Variants in AGPAT3 observed in about 807,000 individuals in gnomAD.
AGPAT3 encodes the protein 1-acyl-sn-glycerol-3-phosphate acyltransferase gamma.
In AGPAT3, 5 loss-of-function variants were observed where a neutral mutation model predicts 47.3. That is an observed-to-expected ratio of 0.11 (90% CI 0.06 to 0.22). The LOEUF is 0.22. AGPAT3 is among the 10% of genes least tolerant of loss of function. The pLI, the probability that AGPAT3 is intolerant of heterozygous loss-of-function variation, is 1.00. For missense variants in AGPAT3, 315 were observed against 493.0 expected (o/e 0.64, Z 3.42); for synonymous variants, 212 against 208.3 (o/e 1.02, Z -0.15).
At chr21:43,891,287 T>C (rs2086097868) in intron 1 of AGPAT3, among the ~76,000 whole-genome samples, 1 of 152,204 alleles carries the variant, frequency 6.6e-6, no homozygotes, top group South Asian at 2.1e-4. Flanking sequence ...TCACAGCATC[T>C]TCACTAGGAG....
At chr21:43,875,079 C>T (rs528384944) in intron 1 of AGPAT3, among the ~76,000 whole-genome samples, 3 of 152,222 alleles carry the variant, frequency 2.0e-5, no homozygotes, top group East Asian at 1.9e-4. Context: ...CTCCCAGGTT[C>T]AAGCAATTCT....
chr21:43,902,598 C>T (rs1007474574), intron 1 of AGPAT3, among the ~76,000 whole-genome samples: 4 of 152,206 alleles, frequency 2.6e-5, no homozygotes, highest in African/African-American at 9.7e-5. Context: ...TGGCCCGTGT[C>T]TTTTGGCATA....
chr21:43,985,350 A>G lies in AGPAT3; in HGVS notation c.*2958A>G. ...TGGTGGAAGAGATGAGCGCTGAACA[A>G]ATCACTAAATAACACAAAACAACAA... On this transcript the variant is annotated 3_prime_UTR_variant, in exon 10 of 10. Coordinates refer to ENST00000291572, the MANE Select transcript of AGPAT3 (RefSeq NM_020132.5). 1 of 353,580 alleles carries G rather than the reference A, an allele frequency of 2.8e-6. No homozygotes were observed. The allele number at this position is 353,580 out of a possible 1,614,324, so 21.9% of individuals were successfully genotyped here. A position where few individuals can be genotyped will look rare whatever the true frequency, so the allele number is the denominator to read the frequency against.
At chr21:43,948,504 C>G (rs1314668864) in intron 2 of AGPAT3, among the ~76,000 whole-genome samples, 1 of 152,112 alleles carries the variant, frequency 6.6e-6, no homozygotes, top group Non-Finnish European at 1.5e-5. Flanking sequence ...GGGCTTCCCT[C>G]CCATATCCAA....
chr21:43,952,180 C>A lies in AGPAT3; in HGVS notation c.-48-7454C>A, dbSNP rs944414179. ...CCAGAGGCGGGGCTGCAGCTGCAGG[C>A]TTTTGTCGTCCTGTGGTCCTGGAGG... On this transcript the variant is annotated intron_variant, in intron 2 of 9. Transcript: ENST00000291572. This position sits in a 1 kb window ranked among gnomAD's most constrained non-coding sequence, Gnocchi z 5.6. Among the ~76,000 whole-genome samples the A allele has an allele frequency of 6.6e-6, 1 of 152,024 alleles. No individual in the cohort carries two copies. The highest frequency in any genetic ancestry group is 1.5e-5 in the Non-Finnish European group (1 of 67,980).
intron 1 of AGPAT3, among the ~76,000 whole-genome samples, chr21:43,889,861 C>T (rs535530556): frequency 3.3e-5 from 5 of 152,282 alleles, no homozygotes; most frequent in African/African-American, 1.2e-4. Flanking sequence ...TCTGCTTCGA[C>T]GTGAATGGCT....
At chr21:43,966,145 T>G (rs1368917411) in intron 3 of AGPAT3, 4 of 152,298 alleles carry the variant, frequency 2.6e-5, no homozygotes, top group African/African-American at 9.6e-5. Flanking sequence ...TGCCTTTGCA[T>G]GCCGACAGCA....
intron 1 of AGPAT3, among the ~76,000 whole-genome samples, chr21:43,873,295 A>G (rs749103111): frequency 2.0e-5 from 3 of 152,220 alleles, no homozygotes; most frequent in African/African-American, 4.8e-5. Context: ...TCCAGGCCGC[A>G]ACATGTGTGC....
chr21:43,980,578 G>A (rs1409070109), intron 8 of AGPAT3, among the ~76,000 whole-genome samples: 2 of 152,246 alleles, frequency 1.3e-5, no homozygotes, highest in South Asian at 4.1e-4. Flanking sequence ...GCAGCTGAGA[G>A]TGCGCTTTGC....
intron 2 of AGPAT3, among the ~76,000 whole-genome samples, chr21:43,935,824 A>G (rs970753636): frequency 6.6e-6 from 1 of 152,108 alleles, no homozygotes. Flanking sequence ...GGCCCACAGC[A>G]CCTCAGCTAC....
intron 1 of AGPAT3, among the ~76,000 whole-genome samples, chr21:43,895,758 T>G (rs1368925733): frequency 1.3e-5 from 2 of 151,914 alleles, no homozygotes; most frequent in Admixed American, 6.6e-5. Context: ...GCTAATTTTT[T>G]GTTCTTTGTT....
rs2029932486 is a variant in AGPAT3, at chr21:43,983,555, C to CT, written c.*1164dup. 2.0e-5 allele frequency: 3 copies of CT among 152,400 alleles called. No homozygotes were observed. Among genetic ancestry groups the CT allele is most frequent in the East Asian group, 1.9e-4 (1 of 5,180 alleles). 9.4% of individuals were successfully genotyped at this position (152,400 alleles called of 1,614,324 possible). A position where few individuals can be genotyped will look rare whatever the true frequency, so the allele number is the denominator to read the frequency against. ...CCAGCTCCCTACCTCCTGGACGTCT[C>CT]TGAGAGTCCAGGCAGAGCAGAGGGC... On this transcript the variant is annotated 3_prime_UTR_variant, in exon 10 of 10. Transcript: ENST00000291572.
chr21:43,905,229 G>A (rs1046843417), intron 2 of AGPAT3, among the ~76,000 whole-genome samples: 8 of 150,352 alleles, frequency 5.3e-5, no homozygotes, highest in Admixed American at 2.0e-4. Flanking sequence ...TGGCTCTGTC[G>A]CCCGGGCTGG....
chr21:43,929,779 C>T (rs533818290), intron 2 of AGPAT3, among the ~76,000 whole-genome samples: 3 of 152,306 alleles, frequency 2.0e-5, no homozygotes, highest in East Asian at 1.9e-4. Context: ...CTGTGGGGCC[C>T]GTGAGTGCTG....
chr21:43,944,233 C>T (rs962280478), intron 2 of AGPAT3, among the ~76,000 whole-genome samples: 15 of 152,280 alleles, frequency 9.9e-5, no homozygotes, highest in Admixed American at 9.2e-4. Context: ...GAGGCCCCGG[C>T]CCTCGCCACT....
chr21:43,924,157 G>C (rs2086979585), intron 2 of AGPAT3, among the ~76,000 whole-genome samples: 1 of 151,376 alleles, frequency 6.6e-6, no homozygotes. Flanking sequence ...GGGACTACAG[G>C]TGCCCGCCAG....
At chr21:43,959,452 GTGTGTGTGGCATGTGTGTGGTTTGTA>G (rs1386370818) in intron 2 of AGPAT3, among the ~76,000 whole-genome samples, 156 bp from the exon 3 acceptor site, 4 of 144,004 alleles carry the variant, frequency 2.8e-5, no homozygotes, top group Non-Finnish European at 6.1e-5. Flanking sequence ...TTGCAGTGTG[GTGTGTGTGGCATGTGTGTGGTTTGTA>G]TGTGTGTGGC....
chr21:43,865,826 G>C (rs2085492597), intron 1 of AGPAT3, among the ~76,000 whole-genome samples: 1 of 152,014 alleles, frequency 6.6e-6, no homozygotes, highest in Non-Finnish European at 1.5e-5. Context: ...GGGGCGCGGC[G>C]GACCCGGGAC....
At chr21:43,940,642 G>A (rs2087621724) in intron 2 of AGPAT3, among the ~76,000 whole-genome samples, 1 of 152,242 alleles carries the variant, frequency 6.6e-6, no homozygotes, top group Non-Finnish European at 1.5e-5. Flanking sequence ...ACGGACAAGT[G>A]CCTGATGTAT....
Sources: allele counts gnomAD v4.1 joint callset (sites outside exome capture counted in the v4.1 genomes callset), GRCh38; gene constraint gnomAD v4.1.1; non-coding constraint Gnocchi (gnomAD v3.1); transcripts MANE v1.5; gene names NCBI Gene and HGNC (gene_info 2026-07-23, HGNC 2026-07-21).